Variants in NRAP observed in about 807,000 individuals in gnomAD.
NRAP encodes nebulin-related-anchoring protein.
Under a neutral mutation model 225.9 loss-of-function variants are expected in NRAP, and 189 were observed. That is an observed-to-expected ratio of 0.84 (90% CI 0.74 to 0.94). The LOEUF (loss-of-function observed/expected upper bound fraction) is 0.94. Among genes scored for constraint, NRAP ranks in the 40% least tolerant of loss-of-function variants. NRAP has a pLI of 0.00. For synonymous variants in NRAP, 769 were observed against 790.7 expected (o/e 0.97, Z 0.46); for missense variants, 2,176 against 2,168.7 (o/e 1.00, Z -0.07).
At chr10:113,638,803 A>G (rs1341965351) in intron 14 of NRAP, among the ~76,000 whole-genome samples, 4 of 152,212 alleles carry the variant, frequency 2.6e-5, no homozygotes, top group Admixed American at 2.6e-4. Context: ...CGTAGTGCAA[A>G]TGTGGCTCAT....
At chr10:113,655,897 C>A (rs1850279727) in intron 4 of NRAP, among the ~76,000 whole-genome samples, 1 of 152,122 alleles carries the variant, frequency 6.6e-6, no homozygotes, top group African/African-American at 2.4e-5. Context: ...AAAAAGTATA[C>A]ATTTTAATAG....
In NRAP at chr10:113,641,412, C is replaced by A; in HGVS notation, c.1276G>T (p.Asp426Tyr). The A allele has an allele frequency of 6.2e-7, 1 of 1,614,006 alleles. No individual in the cohort carries two copies. Among genetic ancestry groups the A allele is most frequent in the Non-Finnish European group, 8.5e-7 (1 of 1,179,918 alleles). ...MRGRYEGVGM[D>Y]RRTLHAMKVG... is the part of the protein sequence containing the mutation. ...TTCATAGCATGCAGAGTGCGTCTGT[C>A]CATACCAACTCCTTCATAGCGGCCT... The change falls in exon 13 of 42, where the codon GAC becomes TAC. Residue 426 changes from aspartate to tyrosine, a missense_variant. Physicochemically the swap from Asp to Tyr is radical, Grantham distance 160. Coordinates refer to ENST00000359988, the MANE Select transcript of NRAP (RefSeq NM_198060.4).
Position 113,653,034 on chromosome 10 carries a change from A to G in NRAP, c.471T>C (p.Tyr157=), listed in dbSNP as rs3737322. 431,626 of 1,589,464 alleles carry G rather than the reference A, an allele frequency of 0.27. 61,251 individuals are homozygous for G. Among genetic ancestry groups the G allele is most frequent in the African/African-American group, 0.46 (32,766 of 70,684 alleles). The change falls in exon 6 of 42, where the codon TAT becomes TAC. Residue 157 remains tyrosine (Y), a synonymous_variant. Coordinates refer to ENST00000359988, the MANE Select transcript of NRAP (RefSeq NM_198060.4). ...CCCTGGGTTGCTCATAGTCTTCTGT[A>G]TATTCCTGTTGGTCAGAACCAATGT... ...VEARKSLGEE[Y]TEDYEQPRGK... is the part of the protein sequence containing the mutation.
chr10:113,645,454 G>C (rs1849446926), intron 11 of NRAP, among the ~76,000 whole-genome samples: 1 of 152,098 alleles, frequency 6.6e-6, no homozygotes, highest in Non-Finnish European at 1.5e-5. Flanking sequence ...TTTCGCTTTT[G>C]TTGTCCAGGA....
At chr10:113,637,636 T>G (rs951860369) in intron 14 of NRAP, among the ~76,000 whole-genome samples, 1 of 152,112 alleles carries the variant, frequency 6.6e-6, no homozygotes, top group Non-Finnish European at 1.5e-5. Flanking sequence ...TTAAAAAACA[T>G]CATTAGGCTG....
rs1444534801 is a variant in NRAP at position 113,634,119 on chromosome 10, A to G, written c.1520T>C (p.Leu507Pro). The G allele has an allele frequency of 6.2e-7, 1 of 1,612,094 alleles. No individual in the cohort carries two copies. The highest frequency in any genetic ancestry group is 2.2e-5 in the East Asian group (1 of 44,874). The change falls in exon 15 of 42, where the codon CTG (leucine) becomes CCG (proline). Residue 507 changes from leucine (L) to proline (P), a missense_variant. Physicochemically the swap from Leu to Pro is moderately conservative, Grantham distance 98. This residue lies in a region of NRAP where 1,708 missense variants were observed against 1,695.5 expected (regional missense o/e 1.01). Coordinates refer to ENST00000359988, the MANE Select transcript of NRAP (RefSeq NM_198060.4). ...GCAGGGACAGTTACTTACATGACTC[A>G]GCTGCTGGGCATTGATTTTGGCTTG... ...IVQAKINAQQ[L>P]SHVNYRADYE...
At chr10:113,652,509 GT>G (rs1397244148) in intron 6 of NRAP, among the ~76,000 whole-genome samples, 3 of 152,046 alleles carry the variant, frequency 2.0e-5, no homozygotes, top group African/African-American at 7.2e-5. Flanking sequence ...GCTGGGTGTG[GT>G]GGCACGTGCC....
intron 6 of NRAP, among the ~76,000 whole-genome samples, chr10:113,652,315 T>G (rs1850026460): frequency 6.6e-6 from 1 of 152,210 alleles, no homozygotes; most frequent in Admixed American, 6.5e-5. Context: ...TAAACTTTGC[T>G]ACTCTTCCGG....
chr10:113,631,364 C>A (rs1266128687), intron 18 of NRAP, 145 bp downstream of exon 18: 3 of 579,832 alleles, frequency 5.2e-6, no homozygotes, highest in Non-Finnish European at 9.1e-6. Flanking sequence ...ATAAACCAAA[C>A]AAACTTCTTA....
At chr10:113,594,124 A>G (rs1460031762) in intron 38 of NRAP, among the ~76,000 whole-genome samples, 1 of 152,110 alleles carries the variant, frequency 6.6e-6, no homozygotes, top group Non-Finnish European at 1.5e-5. Flanking sequence ...CTTCTTTATC[A>G]CAGTGGGCAC....
At chr10:113,643,370 A>G (rs1038857186) in intron 11 of NRAP, among the ~76,000 whole-genome samples, 1 of 152,218 alleles carries the variant, frequency 6.6e-6, no homozygotes, top group Non-Finnish European at 1.5e-5. Flanking sequence ...GGGATAAATC[A>G]TATTTCCTGT....
At position 113,646,917 on chromosome 10, in the gene NRAP, A is replaced by G; in HGVS notation, c.993+6T>C. On this transcript the variant is annotated splice_donor_region_variant and intron_variant, in intron 10 of 41. Transcript: ENST00000359988. ...GGCTCTGTGGTCACACCTACATGGT[A>G]CTTACGTCACTAGCGAGTTCGTGAG... 1 of 1,598,886 alleles carries G rather than the reference A, an allele frequency of 6.3e-7. No homozygotes were observed. The highest frequency in any genetic ancestry group is 8.6e-7 in the Non-Finnish European group (1 of 1,165,980).
At chr10:113,662,931 A>G (rs1314707799) in intron 2 of NRAP, among the ~76,000 whole-genome samples, 165 bp from the exon 3 acceptor site, 1 of 152,088 alleles carries the variant, frequency 6.6e-6, no homozygotes, top group African/African-American at 2.4e-5. Context: ...CATCTTACAG[A>G]AAAAAAAGCA....
chr10:113,589,290 T>C (rs1320141512), intron 41 of NRAP: 6 of 585,770 alleles, frequency 1.0e-5, no homozygotes, highest in Non-Finnish European at 1.8e-5. Flanking sequence ...ACCTGGCTTC[T>C]TTCTTCTGAA....
Position 113,622,138 on chromosome 10 carries a change from T to C in NRAP, c.2500A>G (p.Ile834Val), listed in dbSNP as rs1172834229. The change falls in exon 24 of 42, where the codon ATT becomes GTT. Residue 834 changes from isoleucine to valine, a missense_variant. This residue lies in a region of NRAP where 1,708 missense variants were observed against 1,695.5 expected (regional missense o/e 1.01). Transcript: ENST00000359988. ...EDYERSRGKL[I>V]GAKDVQGDSQ... ...TCTCCCTGTACATCTTTTGCCCCAATGAGCTTCCCTCTGGATCTCTCATAA... is the reference window on the plus strand; with the variant it reads ...TCTCCCTGTACATCTTTTGCCCCAACGAGCTTCCCTCTGGATCTCTCATAA... The C allele has an allele frequency of 4.3e-6, 7 of 1,614,064 alleles. No homozygotes were observed. The highest frequency in any genetic ancestry group is 3.3e-5 in the Admixed American group (2 of 60,020).
intron 4 of NRAP, among the ~76,000 whole-genome samples, chr10:113,656,650 A>T (rs538049940): frequency 3.7e-4 from 57 of 152,266 alleles, no homozygotes; most frequent in Admixed American, 1.8e-3. Context: ...TTATGTTAGG[A>T]AGTGTTTTTG....
rs564302322 is a variant in NRAP, at chr10:113,624,193, T to C, written c.2350-557A>G. Among the ~76,000 whole-genome samples, 10 of 152,188 alleles carry C rather than the reference T, an allele frequency of 6.6e-5. No individual in the cohort carries two copies. The South Asian group carries it at 2.1e-3, about 32-fold the overall frequency. On this transcript the variant is annotated intron_variant, in intron 22 of 41. Transcript: ENST00000359988. ...CCTCTGTTTCTCCTCCCAATTCTCC[T>C]CCCCATCTATTTCTCAGATGAGGAA...
intron 35 of NRAP, among the ~76,000 whole-genome samples, chr10:113,601,924 C>T (rs942756965): frequency 6.6e-6 from 1 of 152,182 alleles, no homozygotes; most frequent in South Asian, 2.1e-4. Flanking sequence ...GGTTTTCTGT[C>T]ACCCAGGCTG....
At chr10:113,632,833 G>A (rs1055909801) in intron 16 of NRAP, among the ~76,000 whole-genome samples, 1 of 152,186 alleles carries the variant, frequency 6.6e-6, no homozygotes. Flanking sequence ...GCATGTAGGG[G>A]GGTGTGTGTG....
Sources: allele counts gnomAD v4.1 joint callset (sites outside exome capture counted in the v4.1 genomes callset), GRCh38; gene constraint gnomAD v4.1.1; regional missense constraint gnomAD v4.1.1; transcripts MANE v1.5; gene names NCBI Gene and HGNC (gene_info 2026-07-23, HGNC 2026-07-21).